LIMCH1: variants seen among roughly 807,000 people sequenced by gnomAD.
LIMCH1 encodes the protein LIM and calponin homology domains-containing protein 1.
In LIMCH1, 113 loss-of-function variants were observed where a neutral mutation model predicts 176.5. That is an observed-to-expected ratio of 0.64 (90% confidence interval 0.55 to 0.75). The LOEUF is 0.75. Ranked by LOEUF, LIMCH1 falls within the 30% of genes least tolerant of loss-of-function variation. The pLI is 0.00. For missense variants in LIMCH1, 1,674 were observed against 1,814.9 expected (o/e 0.92, Z 1.41); for synonymous variants, 619 against 645.9 (o/e 0.96, Z 0.63).
At chr4:41,684,555 A>C in intron 27 of LIMCH1, 37 bp downstream of exon 27, 1 of 1,607,914 alleles carries the variant, frequency 6.2e-7, no homozygotes, top group Non-Finnish European at 8.5e-7. Flanking sequence ...TCAATGTTTA[A>C]ATTGTTGTAA....
chr4:41,554,121 G>A (rs7656019), intron 1 of LIMCH1, among the ~76,000 whole-genome samples: 50,572 of 152,040 alleles, frequency 0.33, 12,882 homozygotes, highest in African/African-American at 0.72. Flanking sequence ...CATTTGAATC[G>A]GTTTTTCCAT....
intron 18 of LIMCH1, among the ~76,000 whole-genome samples, chr4:41,659,991 G>A (rs1036277160): frequency 2.6e-5 from 4 of 152,104 alleles, no homozygotes; most frequent in South Asian, 4.2e-4. Flanking sequence ...TATATAAAAT[G>A]TATGTAAAGA....
chr4:41,631,916 A>T (rs1251769985), intron 10 of LIMCH1, among the ~76,000 whole-genome samples: 1 of 152,238 alleles, frequency 6.6e-6, no homozygotes, highest in Non-Finnish European at 1.5e-5. Flanking sequence ...ACATCTAAGT[A>T]GACATATTAA....
At chr4:41,670,956 T>A in intron 21 of LIMCH1, 1 of 983,648 alleles carries the variant, frequency 1.0e-6, no homozygotes, top group Non-Finnish European at 1.2e-6. Context: ...CCAGTTATGC[T>A]AAAATTGGGG....
At chr4:41,606,923 C>T (rs565467380) in intron 4 of LIMCH1, among the ~76,000 whole-genome samples, 3 of 152,248 alleles carry the variant, frequency 2.0e-5, no homozygotes, top group Admixed American at 2.0e-4. Context: ...CTCAGTCTCC[C>T]GAGTAGCTGG....
chr4:41,620,607 A>G lies in LIMCH1; in HGVS notation c.642A>G (p.Glu214=). 1 of 1,536,086 alleles carries G rather than the reference A, an allele frequency of 6.5e-7. No homozygotes were observed. Among genetic ancestry groups the G allele is most frequent in the East Asian group, 2.4e-5 (1 of 40,918 alleles). The change falls in exon 7 of 32, where the codon GAA becomes GAG. Residue 214 remains glutamate (E), a synonymous_variant. Transcript: ENST00000503057. ...AVVAPAPKSE[E]KDAAEIQKRK... is the part of the protein sequence containing the mutation. ...TGGCACCAGCTCCCAAGTCTGAAGA[A>G]AAAGATGCTGCTGAGATCCAAAAGC...
At chr4:41,541,520 A>G (rs904078273) in intron 1 of LIMCH1, among the ~76,000 whole-genome samples, 8 of 152,228 alleles carry the variant, frequency 5.3e-5, no homozygotes, top group Non-Finnish European at 1.0e-4. Flanking sequence ...CTTCAGCAGT[A>G]CCTGCCCTTC....
At chr4:41,449,629 C>T (rs934296968) in intron 1 of LIMCH1, among the ~76,000 whole-genome samples, 21 of 152,032 alleles carry the variant, frequency 1.4e-4, no homozygotes, top group East Asian at 1.9e-4. Flanking sequence ...CCTAGAATGT[C>T]GATGCCACTT....
intron 1 of LIMCH1, among the ~76,000 whole-genome samples, chr4:41,471,518 C>T (rs112761919): frequency 0.011 from 1,739 of 152,256 alleles, 37 homozygotes; most frequent in African/African-American, 0.038. Context: ...TCCATGGCAC[C>T]GATGAGGCTC....
At chr4:41,423,531 G>A (rs1236738763) in intron 1 of LIMCH1, among the ~76,000 whole-genome samples, 1 of 151,786 alleles carries the variant, frequency 6.6e-6, no homozygotes, top group Non-Finnish European at 1.5e-5. Flanking sequence ...GAGGTGAGAA[G>A]CTATGGTGGT....
At chr4:41,580,006 T>C (rs1426849951) in intron 1 of LIMCH1, among the ~76,000 whole-genome samples, 1 of 152,146 alleles carries the variant, frequency 6.6e-6, no homozygotes, top group Non-Finnish European at 1.5e-5. Flanking sequence ...GCTCATTTAA[T>C]TTTCACTAGT....
At chr4:41,690,451 A>G (rs1226499771) in intron 30 of LIMCH1, among the ~76,000 whole-genome samples, 1 of 152,238 alleles carries the variant, frequency 6.6e-6, no homozygotes, top group Non-Finnish European at 1.5e-5. Flanking sequence ...AAGCTGGACT[A>G]TATCAGCATA....
intron 17 of LIMCH1, among the ~76,000 whole-genome samples, chr4:41,648,867 T>C (rs2094174022): frequency 6.9e-6 from 1 of 144,892 alleles, no homozygotes; most frequent in East Asian, 2.0e-4. Flanking sequence ...GAAGCCAATA[T>C]AAAAAAAAAA....
chr4:41,479,898 T>C (rs1357608169), intron 1 of LIMCH1, among the ~76,000 whole-genome samples: 2 of 152,246 alleles, frequency 1.3e-5, no homozygotes, highest in African/African-American at 4.8e-5. Flanking sequence ...TGCTCAGCAC[T>C]TACCAACCCA....
chr4:41,408,609 T>G (rs115394127), intron 1 of LIMCH1, among the ~76,000 whole-genome samples: 218 of 152,278 alleles, frequency 1.4e-3, no homozygotes, highest in Non-Finnish European at 2.2e-3. Flanking sequence ...CTGTATAGTG[T>G]TGATTTGCCC....
At chr4:41,510,185 T>C (rs2074704303) in intron 2 of LIMCH1, among the ~76,000 whole-genome samples, 1 of 152,198 alleles carries the variant, frequency 6.6e-6, no homozygotes, top group Admixed American at 6.5e-5. Context: ...TGCTCCTTAA[T>C]AAATATTAAA....
At chr4:41,579,086 G>A (rs1244897211) in intron 1 of LIMCH1, among the ~76,000 whole-genome samples, 1 of 150,906 alleles carries the variant, frequency 6.6e-6, no homozygotes, top group Non-Finnish European at 1.5e-5. Context: ...AACCTTAAAA[G>A]AAGGTTCTGG....
At chr4:41,500,596 G>C (rs1368566087) in intron 2 of LIMCH1, among the ~76,000 whole-genome samples, 1 of 152,166 alleles carries the variant, frequency 6.6e-6, no homozygotes, top group Non-Finnish European at 1.5e-5. Flanking sequence ...TCATATTTCT[G>C]TTTGCTTTTA....
intron 2 of LIMCH1, among the ~76,000 whole-genome samples, chr4:41,500,122 G>A (rs756561050): frequency 6.6e-6 from 1 of 152,218 alleles, no homozygotes; most frequent in African/African-American, 2.4e-5. Flanking sequence ...GTGATAATTG[G>A]TCAAGGTGAT....
Sources: gnomAD v4.1 joint callset for allele counts (sites outside exome capture counted in the v4.1 genomes callset) on GRCh38, gnomAD v4.1.1 for gene constraint, MANE v1.5 for transcripts, NCBI Gene and HGNC (gene_info 2026-07-23, HGNC 2026-07-21) for gene names.